The following SNX29 variants were observed in gnomAD, a reference collection of about 807,000 sequenced individuals.
SNX29 encodes sorting nexin-29.
Under a neutral mutation model 102.1 loss-of-function variants are expected in SNX29, and 78 were observed. The ratio of observed to expected loss-of-function variants is 0.76; its 90% CI spans 0.64 to 0.92. SNX29 has a LOEUF of 0.92. Ranked by LOEUF, SNX29 falls within the 40% of genes least tolerant of loss-of-function variation. The pLI, the probability that SNX29 is intolerant of heterozygous loss-of-function variation, is 0.00. For synonymous variants in SNX29, 580 were observed against 414.5 expected, an observed-to-expected ratio of 1.40 and a Z score of -4.85; for missense variants, 1,280 against 1,061.7, an observed-to-expected ratio of 1.21 and a Z score of -2.86.
intron 15 of SNX29, among the ~76,000 whole-genome samples, chr16:12,335,787 A>G (rs556924938): frequency 1.3e-5 from 2 of 151,764 alleles, no homozygotes; most frequent in Non-Finnish European, 2.9e-5. Context: ...ATTTCAGTGA[A>G]TTTTTCACAA....
chr16:12,568,940 G>A lies in SNX29; in HGVS notation c.*311G>A. 2.5e-6 allele frequency: 1 copy of A among 401,130 alleles called. No individual in the cohort carries two copies. Among genetic ancestry groups the A allele is most frequent in the Non-Finnish European group, 4.5e-6 (1 of 223,956 alleles). 24.8% of individuals were successfully genotyped at this position (401,130 alleles called of 1,614,324 possible). A position where few individuals can be genotyped will look rare whatever the true frequency, so the allele number is the denominator to read the frequency against. On this transcript the variant is annotated 3_prime_UTR_variant, in exon 21 of 21. Transcript: ENST00000566228. Reference sequence around the variant, plus strand: ...TTCTGTAGTTCAGGGCTGGCAGGAGGGTGGGCACCAGGTCAGGCTGGGTGC... The same window carrying A: ...TTCTGTAGTTCAGGGCTGGCAGGAGAGTGGGCACCAGGTCAGGCTGGGTGC...
chr16:12,554,179 G>A (rs751718598), intron 20 of SNX29, among the ~76,000 whole-genome samples: 1 of 152,192 alleles, frequency 6.6e-6, no homozygotes, highest in Admixed American at 6.5e-5. Context: ...GTGTGAATAA[G>A]TTCTGGCTTA....
chr16:11,997,635 G>A (rs1300461573), intron 1 of SNX29, among the ~76,000 whole-genome samples: 1 of 151,900 alleles, frequency 6.6e-6, no homozygotes, highest in Non-Finnish European at 1.5e-5. Context: ...GTGCCACCAC[G>A]CCCGGCTAAT....
At chr16:12,007,427 C>T (rs746826043) in intron 3 of SNX29, among the ~76,000 whole-genome samples, 23 of 152,096 alleles carry the variant, frequency 1.5e-4, no homozygotes, top group Non-Finnish European at 3.4e-4. Context: ...ATCGCTTGAA[C>T]CCAGGAGGCA....
At chr16:12,441,294 TAGTC>T (rs1484761368) in intron 18 of SNX29, among the ~76,000 whole-genome samples, 2 of 152,048 alleles carry the variant, frequency 1.3e-5, no homozygotes, top group Non-Finnish European at 2.9e-5. Flanking sequence ...TTCACTGTGT[TAGTC>T]AGGATGGTAC....
In SNX29 at chr16:12,149,641, C is replaced by T. The variant is rs916433156; in HGVS notation, c.1595+19883C>T. Reference sequence around the variant, plus strand: ...TGTGACCTTGGGCAAGTTACTGTACCTCTGTGAGCCTCCGTGTTTAAAAAT... The same window carrying T: ...TGTGACCTTGGGCAAGTTACTGTACTTCTGTGAGCCTCCGTGTTTAAAAAT... On this transcript the variant is annotated intron_variant, in intron 13 of 20. Coordinates refer to ENST00000566228, the MANE Select transcript of SNX29 (RefSeq NM_032167.5). Among the ~76,000 whole-genome samples the T allele has an allele frequency of 2.6e-5, 4 of 152,242 alleles. No individual in the cohort carries two copies. The East Asian group carries it at 7.7e-4, about 29-fold the overall frequency.
In SNX29 at chr16:12,572,629, T is replaced by TC. The variant is rs1416711675; in HGVS notation, c.*4002dup. The TC allele has an allele frequency of 1.7e-5, 18 of 1,063,520 alleles. No individual in the cohort carries two copies. The highest frequency in any genetic ancestry group is 1.4e-4 in the South Asian group (3 of 21,964). 65.9% of individuals were successfully genotyped at this position (1,063,520 alleles called of 1,614,324 possible). A position where few individuals can be genotyped will look rare whatever the true frequency, so the allele number is the denominator to read the frequency against. On this transcript the variant is annotated 3_prime_UTR_variant, in exon 21 of 21. Transcript: ENST00000566228. The stretch of plus-strand genomic sequence containing the variant: ...CCCCTCCGGCTACCCCCAGAATCCA[T>TC]CCTTCATTCCTCCACCAAGCTCCTG...
rs754498232 is a variant in SNX29 at position 12,568,544 on chromosome 16, C to T, written c.2357C>T (p.Pro786Leu). The T allele has an allele frequency of 1.6e-5, 26 of 1,609,564 alleles. No individual in the cohort carries two copies. The highest frequency in any genetic ancestry group is 2.7e-5 in the African/African-American group (2 of 74,918). Residue 786 changes from proline to leucine, a missense_variant, in exon 21 of 21, where the codon CCC (proline) becomes CTC (leucine). Coordinates refer to ENST00000566228, the MANE Select transcript of SNX29 (RefSeq NM_032167.5). Reference sequence around the variant, plus strand: ...CCCGGAGAGCCTGTGAACAGCCGGCCCAAAGCAGCTTCCCGCTTCCCCAAA... The same window carrying T: ...CCCGGAGAGCCTGTGAACAGCCGGCTCAAAGCAGCTTCCCGCTTCCCCAAA... ...TPPGEPVNSRPKAASRFPKLS... is the reference protein window; with the variant it reads ...TPPGEPVNSRLKAASRFPKLS...
At chr16:12,520,734 G>A (rs1277204549) in intron 19 of SNX29, among the ~76,000 whole-genome samples, 1 of 151,916 alleles carries the variant, frequency 6.6e-6, no homozygotes, top group Non-Finnish European at 1.5e-5. Context: ...ACTTATAAGC[G>A]GGAGCGAAGC....
chr16:12,257,650 G>A (rs1402624770), intron 14 of SNX29, among the ~76,000 whole-genome samples: 1 of 151,658 alleles, frequency 6.6e-6, no homozygotes, highest in East Asian at 1.9e-4. Context: ...TTGGGAAGTT[G>A]GAACTACAGG....
chr16:12,247,408 TCTC>T (rs1279253045), intron 14 of SNX29, among the ~76,000 whole-genome samples: 4 of 152,328 alleles, frequency 2.6e-5, no homozygotes, highest in Admixed American at 6.5e-5. Context: ...GCACAGTCTA[TCTC>T]CTCCTGTTTT....
rs756413188 is a variant in SNX29, at chr16:12,199,703, C to T, written c.1678+20C>T. 39 of 1,607,150 alleles carry T rather than the reference C, an allele frequency of 2.4e-5. No homozygotes were observed. The highest frequency in any genetic ancestry group is 8.9e-5 in the South Asian group (8 of 89,914). On this transcript the variant is annotated intron_variant, in intron 14 of 20. Coordinates refer to ENST00000566228, the MANE Select transcript of SNX29 (RefSeq NM_032167.5). ...CTGAAGGTGAGGGGGAGCCTGAGCC[C>T]GGGTTGGGAGGGGCCGGGCTTTTCC...
intron 18 of SNX29, among the ~76,000 whole-genome samples, chr16:12,452,010 G>A (rs2086321142): frequency 6.6e-6 from 1 of 152,212 alleles, no homozygotes; most frequent in Non-Finnish European, 1.5e-5. Flanking sequence ...GCTCTAGAAA[G>A]GGCCCATGCT....
chr16:12,553,588 TCCCCACC>T lies in SNX29; in HGVS notation c.2319-14908_2319-14902del, dbSNP rs769524592. ...GCTGTGGGCTCTGAGGATGCTTTGTTCCCCACCCCCCACCCCTGCAAGATGGAATTTT... is the reference window on the plus strand; with the variant it reads ...GCTGTGGGCTCTGAGGATGCTTTGTTCCCCACCCCTGCAAGATGGAATTTT... On this transcript the variant is annotated intron_variant, in intron 20 of 20. Coordinates refer to ENST00000566228, the MANE Select transcript of SNX29 (RefSeq NM_032167.5). Among the ~76,000 whole-genome samples the T allele has an allele frequency of 2.9e-4, 38 of 131,140 alleles. No homozygotes were observed. The East Asian group carries it at 3.5e-3, about 12-fold the overall frequency. 86.0% of individuals were successfully genotyped at this position (131,140 alleles called of 152,430 possible). A position where few individuals can be genotyped will look rare whatever the true frequency, so the allele number is the denominator to read the frequency against.
At chr16:12,036,682 T>A (rs189297301) in intron 4 of SNX29, among the ~76,000 whole-genome samples, 163 of 152,222 alleles carry the variant, frequency 1.1e-3, no homozygotes, top group African/African-American at 3.9e-3. Flanking sequence ...CAATGCTTTG[T>A]TTGTTTTGGG....
intron 13 of SNX29, among the ~76,000 whole-genome samples, chr16:12,154,742 T>G (rs1449649052): frequency 6.6e-6 from 1 of 152,180 alleles, no homozygotes; most frequent in African/African-American, 2.4e-5. Flanking sequence ...CCAGCAGATG[T>G]GGTATCTGGG....
At chr16:12,537,296 T>G (rs1245294389) in intron 20 of SNX29, among the ~76,000 whole-genome samples, 2 of 152,194 alleles carry the variant, frequency 1.3e-5, no homozygotes, top group Admixed American at 1.3e-4. Flanking sequence ...GGTACATGTT[T>G]GGATTTTAGT....
At chr16:12,082,082 A>G (rs1230124492) in intron 11 of SNX29, among the ~76,000 whole-genome samples, 1 of 152,200 alleles carries the variant, frequency 6.6e-6, no homozygotes, top group Admixed American at 6.5e-5. Flanking sequence ...CTAACGCCAC[A>G]TCGCTTCCCA....
chr16:12,220,245 T>C (rs1013225120), intron 14 of SNX29, among the ~76,000 whole-genome samples: 6 of 152,034 alleles, frequency 3.9e-5, no homozygotes, highest in African/African-American at 1.4e-4. Flanking sequence ...GATGCATCAC[T>C]TTTTGTGTTG....
Sources: allele counts gnomAD v4.1 joint callset (sites outside exome capture counted in the v4.1 genomes callset), GRCh38; gene constraint gnomAD v4.1.1; transcripts MANE v1.5; gene names NCBI Gene and HGNC (gene_info 2026-07-23, HGNC 2026-07-21).